The following FSTL4 variants were observed in gnomAD, a reference collection of about 807,000 sequenced individuals.
FSTL4 encodes follistatin-related protein 4.
A neutral mutation model predicts 78.2 loss-of-function variants in FSTL4; 28 were observed. The ratio of observed to expected loss-of-function variants is 0.36; its 90% confidence interval spans 0.27 to 0.49. The LOEUF (loss-of-function observed/expected upper bound fraction) is 0.49, where lower values mean the gene tolerates loss of function less well. FSTL4 is among the 20% of genes least tolerant of loss of function. The pLI is 0.98. For synonymous variants in FSTL4, 422 were observed against 440.5 expected, an observed-to-expected ratio of 0.96 and a Z score of 0.53; for missense variants, 922 against 1,084.9, an observed-to-expected ratio of 0.85 and a Z score of 2.11.
chr5:133,274,868 T>G (rs1752845800), intron 6 of FSTL4, among the ~76,000 whole-genome samples: 1 of 152,236 alleles, frequency 6.6e-6, no homozygotes. Context: ...AGTTATTGGG[T>G]GCCAACTGTA....
chr5:133,326,302 G>A (rs1754209711), intron 4 of FSTL4, among the ~76,000 whole-genome samples: 1 of 152,174 alleles, frequency 6.6e-6, no homozygotes, highest in Non-Finnish European at 1.5e-5. Context: ...TGTTGACTGA[G>A]CCACAAAACT....
At chr5:133,276,989 T>C (rs147197969) in intron 6 of FSTL4, among the ~76,000 whole-genome samples, 14 of 152,248 alleles carry the variant, frequency 9.2e-5, no homozygotes, top group African/African-American at 2.6e-4. Flanking sequence ...AGTTCAAACA[T>C]AGGCAAAATT....
At chr5:133,246,225 C>T (rs1752035177) in intron 7 of FSTL4, among the ~76,000 whole-genome samples, 1 of 152,156 alleles carries the variant, frequency 6.6e-6, no homozygotes, top group African/African-American at 2.4e-5. Flanking sequence ...GTGGGGTGAA[C>T]GTGGCCACTG....
chr5:133,368,581 C>T (rs1179996977), intron 4 of FSTL4, among the ~76,000 whole-genome samples: 6 of 152,182 alleles, frequency 3.9e-5, no homozygotes, highest in Non-Finnish European at 4.4e-5. Context: ...GGACTGCCAA[C>T]CTCTGTAGAA....
intron 2 of FSTL4, among the ~76,000 whole-genome samples, chr5:133,590,862 G>A (rs1025433708): frequency 2.0e-5 from 3 of 152,198 alleles, no homozygotes; most frequent in Non-Finnish European, 4.4e-5. Context: ...AGGCCTCCTT[G>A]CTGCATACTC....
chr5:133,339,808 G>T (rs1754544938), intron 4 of FSTL4, among the ~76,000 whole-genome samples: 1 of 152,208 alleles, frequency 6.6e-6, no homozygotes, highest in South Asian at 2.1e-4. Flanking sequence ...GAGAGCAGAA[G>T]AGAAACCATG....
intron 5 of FSTL4, among the ~76,000 whole-genome samples, chr5:133,315,953 C>T (rs1325005679): frequency 6.6e-6 from 1 of 152,164 alleles, no homozygotes; most frequent in East Asian, 1.9e-4. Flanking sequence ...GGAGGCAAAC[C>T]TCAGGGTGTA....
At chr5:133,218,322 G>A (rs959662856) in intron 12 of FSTL4, among the ~76,000 whole-genome samples, 1 of 152,034 alleles carries the variant, frequency 6.6e-6, no homozygotes, top group Non-Finnish European at 1.5e-5. Flanking sequence ...CATCACCCTG[G>A]CCAGGTCACA....
At chr5:133,283,176 T>C (rs894450116) in intron 6 of FSTL4, among the ~76,000 whole-genome samples, 2 of 152,194 alleles carry the variant, frequency 1.3e-5, no homozygotes, top group Non-Finnish European at 2.9e-5. Context: ...CTGGGTGTCC[T>C]GAACCGTTTG....
the FSTL4 span, among the ~76,000 whole-genome samples, chr5:133,648,329 C>T: frequency 6.6e-6 from 1 of 152,178 alleles, no homozygotes; most frequent in Non-Finnish European, 1.5e-5. Context: ...AGTTTAGTAG[C>T]CCAAGGGGGC....
At chr5:133,632,627 A>C in the FSTL4 span, among the ~76,000 whole-genome samples, 1 of 152,092 alleles carries the variant, frequency 6.6e-6, no homozygotes, top group African/African-American at 2.4e-5. Context: ...TCATCAGTTG[A>C]AAAACGTTGT....
chr5:133,612,467 G>A lies in FSTL4; in HGVS notation c.-153C>T, dbSNP rs1476267624. ...GTCGGCGGGTCCCGGGCTCGCTGGA[G>A]GCTGTTGAGGCTCCAGCTCCCTGAG... On this transcript the variant is annotated 5_prime_UTR_variant, in exon 1 of 16. Transcript: ENST00000265342. The surrounding 1 kb of genome is among the most constrained non-coding windows in gnomAD (Gnocchi z 6.2). The A allele has an allele frequency of 6.6e-6, 1 of 151,934 alleles. No individual in the cohort carries two copies. The highest frequency in any genetic ancestry group is 1.5e-5 in the Non-Finnish European group (1 of 67,936). The allele number at this position is 151,934 out of a possible 1,614,324, so 9.4% of individuals were successfully genotyped here.
In FSTL4 at chr5:133,338,518, T is replaced by A. The variant is rs545367623; in HGVS notation, c.410-21866A>T. On this transcript the variant is annotated intron_variant, in intron 4 of 15. Transcript: ENST00000265342. This position sits in a 1 kb window ranked among gnomAD's most constrained non-coding sequence, Gnocchi z 4.0. ...AAGCTATACAGAAACTTCCCTCTGCTCCCCCATGGATACTCGGTTCCCTCA... is the reference window on the plus strand; with the variant it reads ...AAGCTATACAGAAACTTCCCTCTGCACCCCCATGGATACTCGGTTCCCTCA... Among the ~76,000 whole-genome samples, 54 of 151,946 alleles carry A rather than the reference T, an allele frequency of 3.6e-4. No homozygotes were observed. Among genetic ancestry groups the A allele is most frequent in the Non-Finnish European group, 6.6e-4 (45 of 67,994 alleles).
At chr5:133,790,621 T>G in the FSTL4 span, among the ~76,000 whole-genome samples, 8 of 151,958 alleles carry the variant, frequency 5.3e-5, no homozygotes, top group Admixed American at 5.2e-4. Flanking sequence ...CCTCAACATC[T>G]CCACACAGAT....
chr5:133,477,604 C>A (rs1056539035), intron 3 of FSTL4, among the ~76,000 whole-genome samples: 4 of 152,202 alleles, frequency 2.6e-5, no homozygotes, highest in Non-Finnish European at 4.4e-5. Flanking sequence ...ATTCCCAAAA[C>A]CCCGCTCTTA....
intron 4 of FSTL4, among the ~76,000 whole-genome samples, chr5:133,336,150 C>G (rs941857939): frequency 6.6e-5 from 10 of 152,340 alleles, no homozygotes; most frequent in African/African-American, 2.4e-4. Flanking sequence ...GACAGCAGCC[C>G]TCATCATTTT....
chr5:133,414,007 C>T (rs1756528927), intron 3 of FSTL4, among the ~76,000 whole-genome samples: 1 of 152,010 alleles, frequency 6.6e-6, no homozygotes, highest in African/African-American at 2.4e-5. Context: ...TCTTACATGG[C>T]ATTCTCCTTT....
chr5:133,242,657 AGGCCCC>A (rs1225581844), intron 7 of FSTL4, among the ~76,000 whole-genome samples: 2 of 152,166 alleles, frequency 1.3e-5, no homozygotes, highest in Non-Finnish European at 2.9e-5. Context: ...GGAGTACCAT[AGGCCCC>A]GGCCCCCATA....
chr5:133,751,288 A>C, the FSTL4 span, among the ~76,000 whole-genome samples: 5 of 152,356 alleles, frequency 3.3e-5, 1 homozygote, highest in African/African-American at 1.2e-4. Context: ...CTTTCGGGCT[A>C]AGAACAAGAC....
Sources: gnomAD v4.1 joint callset for allele counts (sites outside exome capture counted in the v4.1 genomes callset) on GRCh38, gnomAD v4.1.1 for gene constraint, Gnocchi (gnomAD v3.1) non-coding constraint, MANE v1.5 for transcripts, NCBI Gene and HGNC (gene_info 2026-07-23, HGNC 2026-07-21) for gene names.